ADCY6: variants seen among roughly 807,000 people sequenced by gnomAD.
ADCY6 encodes the protein adenylate cyclase 6, also known as adenylate cyclase type 6.
Under a neutral mutation model 111.6 loss-of-function variants are expected in ADCY6, and 59 were observed. The observed-to-expected ratio is 0.53, with a 90% confidence interval of 0.43 to 0.66. The LOEUF is 0.66. ADCY6 is among the 30% of genes least tolerant of loss of function. ADCY6 has a pLI of 0.00. For synonymous variants in ADCY6, 576 were observed against 642.9 expected (o/e 0.90, Z 1.57); for missense variants, 1,242 against 1,595.6 (o/e 0.78, Z 3.78).
chr12:48,773,734 C>G, intron 15 of ADCY6, 87 bp from the exon 16 acceptor site: 4 of 1,548,470 alleles, frequency 2.6e-6, no homozygotes, highest in South Asian at 2.3e-5. Context: ...CCTGCCTGAC[C>G]TAACCTTCCC....
At chr12:48,785,349 G>A (rs1191455353) in intron 1 of ADCY6, among the ~76,000 whole-genome samples, 1 of 152,216 alleles carries the variant, frequency 6.6e-6, no homozygotes, top group African/African-American at 2.4e-5. Flanking sequence ...GCCAGGTATG[G>A]TGGCCCACAC....
intron 16 of ADCY6, 59 bp downstream of exon 16, chr12:48,773,410 G>A: frequency 4.5e-6 from 7 of 1,563,612 alleles, no homozygotes; most frequent in Non-Finnish European, 6.1e-6. Context: ...GAGGCTCACA[G>A]TGACCTAGAA....
chr12:48,775,553 A>AG, intron 10 of ADCY6, 103 bp from the exon 11 acceptor site: 1 of 1,583,404 alleles, frequency 6.3e-7, no homozygotes, highest in Non-Finnish European at 8.7e-7. Flanking sequence ...AGGGAGAGCC[A>AG]GGGGGGTGGC....
chr12:48,770,546 A>G (rs962490822), intron 20 of ADCY6, among the ~76,000 whole-genome samples: 1 of 152,210 alleles, frequency 6.6e-6, no homozygotes, highest in Admixed American at 6.5e-5. Context: ...CTATCCAATG[A>G]AAGGCGATAA....
chr12:48,785,443 A>G (rs1365749890), intron 1 of ADCY6, among the ~76,000 whole-genome samples: 1 of 152,148 alleles, frequency 6.6e-6, no homozygotes, highest in Non-Finnish European at 1.5e-5. Context: ...AACATGGTGA[A>G]ACCCCATTTC....
rs1941863800 is a variant in ADCY6, at chr12:48,782,319, G to A, written c.864+252C>T. ...AGAGCCGGAGACTGGGGCCCATGGT[G>A]ACAGAGTTCAGGCTTGGGTCCTGGG... On this transcript the variant is annotated intron_variant, in intron 2 of 21. Coordinates refer to ENST00000357869, the MANE Select transcript of ADCY6 (RefSeq NM_015270.5). This position sits in a 1 kb window ranked among gnomAD's most constrained non-coding sequence, Gnocchi z 4.3. Among the ~76,000 whole-genome samples the A allele has an allele frequency of 6.6e-6, 1 of 152,122 alleles. No homozygotes were observed. The highest frequency in any genetic ancestry group is 2.1e-4 in the South Asian group (1 of 4,828).
Position 48,773,416 on chromosome 12 carries a change from T to G in ADCY6, c.2621+53A>C, listed in dbSNP as rs1482128962. On this transcript the variant is annotated intron_variant, in intron 16 of 21. Coordinates refer to ENST00000357869, the MANE Select transcript of ADCY6 (RefSeq NM_015270.5). ...GGCACCAGAGAGGCTCACAGTGACC[T>G]AGAAAGGTGAGGGAAGCTCCTGGGG... The G allele has an allele frequency of 4.4e-6, 7 of 1,578,580 alleles. No individual in the cohort carries two copies. In the African/African-American group the frequency reaches 9.4e-5, roughly 21 times the overall value.
rs1237581771 is a variant in ADCY6, at chr12:48,782,689, G to A, written c.746C>T (p.Ala249Val). ...CATGCGGATGGGGAGGAGCGTGTAG[G>A]CGATGTAGACAAAGAACACAGGGCA... is the stretch of plus-strand genomic sequence containing the variant. ...LWCPVFFVYI[A>V]YTLLPIRMRA... The change falls in exon 2 of 22, where the codon GCC (alanine) becomes GTC (valine). Residue 249 changes from alanine to valine, a missense_variant. By Grantham distance (64) the Ala-to-Val change is moderately conservative. Around this residue, in one of 4 missense-constraint regions of ADCY6, gnomAD observed 362 missense variants for 377.2 expected, o/e 0.96. Coordinates refer to ENST00000357869, the MANE Select transcript of ADCY6 (RefSeq NM_015270.5). This position sits in a 1 kb window ranked among gnomAD's most constrained non-coding sequence, Gnocchi z 4.3. The A allele has an allele frequency of 3.1e-6, 5 of 1,592,248 alleles. No homozygotes were observed. Among genetic ancestry groups the A allele is most frequent in the Non-Finnish European group, 4.3e-6 (5 of 1,168,536 alleles).
rs558503122 is a variant in ADCY6, at chr12:48,774,636, C to T, written c.2166+55G>A. The T allele has an allele frequency of 5.1e-4, 807 of 1,593,274 alleles. 7 individuals carry two copies. Among genetic ancestry groups the T allele is most frequent in the Non-Finnish European group, 3.7e-5 (43 of 1,161,382 alleles). ...CTCCCTCTCCCCATGTGACCTCCTC[C>T]CTGTCTGGAGTCCAGCCTGCCCTCC... On this transcript the variant is annotated intron_variant, in intron 13 of 21. Transcript: ENST00000357869.
chr12:48,778,094 G>A lies in ADCY6; in HGVS notation c.1014+14C>T, dbSNP rs1592161366. On this transcript the variant is annotated intron_variant, in intron 3 of 21. Coordinates refer to ENST00000357869, the MANE Select transcript of ADCY6 (RefSeq NM_015270.5). ...AAGGTGGGGGCAGGCCCTGGTCACG[G>A]GGAGCAGCCCCACCTGCTGCCGATT... 1.2e-6 allele frequency: 2 copies of A among 1,600,572 alleles called. No homozygotes were observed. The highest frequency in any genetic ancestry group is 2.2e-5 in the South Asian group (2 of 89,498).
chr12:48,776,285 C>T lies in ADCY6; in HGVS notation c.1601G>A (p.Arg534His), dbSNP rs779226545. 2.4e-5 allele frequency: 39 copies of T among 1,614,130 alleles called. No individual in the cohort carries two copies. The highest frequency in any genetic ancestry group is 9.9e-5 in the South Asian group (9 of 91,090). Reference protein sequence around the residue: ...LNGDYEVEPGRGGERNAYLKE... With the variant: ...LNGDYEVEPGHGGERNAYLKE... ...GAGGTACGCGTTGCGCTCGCCACCA[C>T]GGCCTGGCTCCACCTCGTAGTCCCC... Residue 534 changes from arginine (R) to histidine (H), a missense_variant, in exon 8 of 22, where the codon CGT becomes CAT. Arg to His is a conservative substitution (Grantham distance 29, BLOSUM62 0). Transcript: ENST00000357869. This position sits in a 1 kb window ranked among gnomAD's most constrained non-coding sequence, Gnocchi z 6.1.
chr12:48,775,066 G>A lies in ADCY6; in HGVS notation c.1981-12C>T, dbSNP rs1941659385. On this transcript the variant is annotated splice_polypyrimidine_tract_variant and intron_variant, in intron 11 of 21. Coordinates refer to ENST00000357869, the MANE Select transcript of ADCY6 (RefSeq NM_015270.5). ...ACCTTCCGGGAGTACTGAGGGAGAG[G>A]AGGCTGAGCTGAGTGCTGGGCCCTC... 7.1e-6 allele frequency: 11 copies of A among 1,550,718 alleles called. No individual in the cohort carries two copies. Among genetic ancestry groups the A allele is most frequent in the Non-Finnish European group, 9.6e-6 (11 of 1,145,626 alleles).
rs781354839 is a variant in ADCY6 at position 48,768,895 on chromosome 12, C to T, written c.3381+42G>A. Reference sequence around the variant, plus strand: ...TGCAGAGACACCTGTGGAAGCCCTCCGGGCCCATGTTCCTCCCAGCCCCTG... The same window carrying T: ...TGCAGAGACACCTGTGGAAGCCCTCTGGGCCCATGTTCCTCCCAGCCCCTG... On this transcript the variant is annotated intron_variant, in intron 21 of 21. Coordinates refer to ENST00000357869, the MANE Select transcript of ADCY6 (RefSeq NM_015270.5). The T allele has an allele frequency of 3.3e-5, 52 of 1,581,090 alleles. 1 individual carries two copies. The highest frequency in any genetic ancestry group is 1.7e-4 in the Middle Eastern group (1 of 5,922).
At chr12:48,773,337 C>T (rs1452235974) in intron 16 of ADCY6, 132 bp downstream of exon 16, 7 of 1,036,286 alleles carry the variant, frequency 6.8e-6, no homozygotes, top group Non-Finnish European at 9.7e-6. Context: ...GCTCCTCCAT[C>T]TCCTCCCTTT....
At position 48,777,884 on chromosome 12, in the gene ADCY6, G is replaced by A. The variant is rs764607078; in HGVS notation, c.1015-148C>T. ...ACTGTGGCCTGACCTTCCCCCATCA[G>A]AGCCCCCTCTGACCACCCTCCATTG... is the stretch of plus-strand genomic sequence containing the variant. On this transcript the variant is annotated intron_variant, in intron 3 of 21. Coordinates refer to ENST00000357869, the MANE Select transcript of ADCY6 (RefSeq NM_015270.5). The surrounding 1 kb of genome is among the most constrained non-coding windows in gnomAD (Gnocchi z 4.9). 3 of 1,359,014 alleles carry A rather than the reference G, an allele frequency of 2.2e-6. No individual in the cohort carries two copies. Among genetic ancestry groups the A allele is most frequent in the South Asian group, 1.4e-5 (1 of 71,118 alleles). The allele number at this position is 1,359,014 out of a possible 1,614,324, so 84.2% of individuals were successfully genotyped here.
intron 1 of ADCY6, among the ~76,000 whole-genome samples, chr12:48,786,319 A>G (rs2446997): frequency 0.66 from 99,755 of 151,948 alleles, 33,887 homozygotes; most frequent in East Asian, 0.95. Flanking sequence ...AAGATCTGTC[A>G]GCACCCCTTC....
chr12:48,773,727 G>C (rs769607127), intron 15 of ADCY6, 80 bp from the exon 16 acceptor site: 13 of 1,567,726 alleles, frequency 8.3e-6, no homozygotes, highest in Admixed American at 3.4e-5. Context: ...GCACTCTCCT[G>C]CCTGACCTAA....
chr12:48,789,837 C>T (rs1426484711), upstream of ADCY6: 1 of 151,790 alleles, frequency 6.6e-6, no homozygotes, highest in Non-Finnish European at 1.5e-5. Context: ...CCCCGCCCTA[C>T]TCTCTGGGAG....
rs1484718184 is a variant in ADCY6, at chr12:48,789,009, T to C, written c.-108A>G. The C allele has an allele frequency of 7.8e-6, 1 of 127,460 alleles. No homozygotes were observed. Among genetic ancestry groups the C allele is most frequent in the Non-Finnish European group, 1.6e-5 (1 of 62,412 alleles). The allele number at this position is 127,460 out of a possible 1,614,324, so 7.9% of individuals were successfully genotyped here. A position where few individuals can be genotyped will look rare whatever the true frequency, so the allele number is the denominator to read the frequency against. On this transcript the variant is annotated 5_prime_UTR_variant, in exon 1 of 22. Coordinates refer to ENST00000357869, the MANE Select transcript of ADCY6 (RefSeq NM_015270.5). The stretch of plus-strand genomic sequence containing the variant: ...CGCGGTCCTCCGAGCCCGCGCGTCC[T>C]GGCCGTCCCGCCCGCCGTCCGCCGT...
Sources: allele counts gnomAD v4.1 joint callset (sites outside exome capture counted in the v4.1 genomes callset), GRCh38; gene constraint gnomAD v4.1.1; regional missense constraint gnomAD v4.1.1; non-coding constraint Gnocchi (gnomAD v3.1); transcripts MANE v1.5; gene names NCBI Gene and HGNC (gene_info 2026-07-23, HGNC 2026-07-21).